DYSF: variants seen among roughly 807,000 people sequenced by gnomAD.
DYSF encodes dysferlin.
DYSF carries 212 observed loss-of-function variants against 274.9 expected under a neutral mutation model. That is an observed-to-expected ratio of 0.77 (90% confidence interval 0.69 to 0.86). DYSF has a LOEUF of 0.86. DYSF is among the 40% of genes least tolerant of loss of function. The pLI is 0.00. For missense variants in DYSF, 2,666 were observed against 2,783.2 expected (o/e 0.96, Z 0.95); for synonymous variants, 1,091 against 1,078.7 (o/e 1.01, Z -0.22).
At chr2:71,453,660 T>G in exon 1 of DYSF, 12 of 376,164 alleles carry the variant, frequency 3.2e-5, no homozygotes, top group Non-Finnish European at 4.6e-5. Flanking sequence ...TGCCGTGTCA[T>G]TGGGAGACTC....
rs2152972022 is a variant in DYSF, at chr2:71,682,609, G to A, written c.6253G>A (p.Ala2085Thr). Residue 2085 changes from alanine (A) to threonine (T), a missense_variant, in exon 55 of 56, where the codon GCC becomes ACC. Ala to Thr is a moderately conservative substitution (Grantham distance 58). Coordinates refer to ENST00000410020, the MANE Select transcript of DYSF (RefSeq NM_001130987.2). The stretch of plus-strand genomic sequence containing the variant: ...CATCCTGTGGCGGCGTTTCCGGTGG[G>A]CCATCATCCTCTTCATCATCCTCTT... ...KFILWRRFRW[A>T]IILFIILFIL... 6.2e-7 allele frequency: 1 copy of A among 1,614,044 alleles called. No homozygotes were observed. The highest frequency in any genetic ancestry group is 1.1e-5 in the South Asian group (1 of 91,072).
At chr2:71,595,616 C>T (rs1337476570) in intron 32 of DYSF, among the ~76,000 whole-genome samples, 1 of 152,208 alleles carries the variant, frequency 6.6e-6, no homozygotes, top group African/African-American at 2.4e-5. Context: ...TGGTGCAGGG[C>T]TCTGGATCCA....
intron 33 of DYSF, 93 bp from the exon 34 acceptor site, chr2:71,600,609 A>T: frequency 6.3e-7 from 1 of 1,578,044 alleles, no homozygotes; most frequent in Non-Finnish European, 8.7e-7. Flanking sequence ...GGCCCTTTCT[A>T]GTTCAGAAGG....
intron 3 of DYSF, among the ~76,000 whole-genome samples, chr2:71,498,475 C>A (rs1158731548): frequency 6.6e-6 from 1 of 152,182 alleles, no homozygotes; most frequent in Non-Finnish European, 1.5e-5. Flanking sequence ...GTAGTGCCAG[C>A]AGGAATGCAG....
chr2:71,521,461 C>T (rs111445132), intron 12 of DYSF, among the ~76,000 whole-genome samples: 95 of 152,266 alleles, frequency 6.2e-4, no homozygotes, highest in African/African-American at 2.1e-3. Context: ...CTGGGTTGGA[C>T]GCTTTGTTTG....
chr2:71,554,000 T>C, intron 21 of DYSF, 69 bp downstream of exon 21: 2 of 1,608,474 alleles, frequency 1.2e-6, no homozygotes, highest in Non-Finnish European at 1.7e-6. Flanking sequence ...GCATGGGGTG[T>C]CTCAGACCAC....
upstream of DYSF, among the ~76,000 whole-genome samples, chr2:71,465,613 C>T (rs2081484311): frequency 6.6e-6 from 1 of 152,148 alleles, no homozygotes; most frequent in Admixed American, 6.5e-5. Context: ...AGGGTTATGG[C>T]TTAGCCCTGT....
Position 71,559,508 on chromosome 2 carries a change from C to T in DYSF, c.2217-2244C>T, listed in dbSNP as rs554370720. 9.2e-5 allele frequency among the ~76,000 whole-genome samples: 14 copies of T among 152,348 alleles called. 1 individual carries two copies. In the East Asian group the frequency reaches 2.7e-3, roughly 29 times the overall value. ...TGCATCCAGGAAAAGCCCCTGCTCT[C>T]ATCCTGGTGGACAGGCCTTTCTGTC... On this transcript the variant is annotated intron_variant, in intron 22 of 55. Coordinates refer to ENST00000410020, the MANE Select transcript of DYSF (RefSeq NM_001130987.2).
At chr2:71,552,627 C>A (rs2091028633) in intron 19 of DYSF, among the ~76,000 whole-genome samples, 1 of 152,176 alleles carries the variant, frequency 6.6e-6, no homozygotes, top group Non-Finnish European at 1.5e-5. Context: ...GAGCTCTGGT[C>A]AGGCGCCTGG....
chr2:71,641,940 G>T (rs1198201009), intron 41 of DYSF, among the ~76,000 whole-genome samples: 1 of 152,142 alleles, frequency 6.6e-6, no homozygotes, highest in Non-Finnish European at 1.5e-5. Context: ...CTCCAAAGAT[G>T]CTGGAAAAGA....
chr2:71,495,066 A>G (rs984725910), intron 3 of DYSF, among the ~76,000 whole-genome samples: 2 of 152,186 alleles, frequency 1.3e-5, no homozygotes, highest in Admixed American at 1.3e-4. Flanking sequence ...ACCAAGTTCT[A>G]TCTAGGTTCC....
chr2:71,483,572 G>A (rs2083112284), intron 3 of DYSF, among the ~76,000 whole-genome samples: 1 of 152,190 alleles, frequency 6.6e-6, no homozygotes, highest in African/African-American at 2.4e-5. Flanking sequence ...GTGGGTGGTG[G>A]GGAAGAATTG....
chr2:71,570,397 G>A (rs2092349513), intron 28 of DYSF, 63 bp downstream of exon 28: 2 of 1,554,032 alleles, frequency 1.3e-6, no homozygotes, highest in African/African-American at 1.4e-5. Context: ...ATGCTGGTGG[G>A]GACGACTGAA....
chr2:71,593,893 C>T (rs374274486), intron 32 of DYSF, among the ~76,000 whole-genome samples: 12 of 152,178 alleles, frequency 7.9e-5, no homozygotes, highest in Admixed American at 2.0e-4. Flanking sequence ...TGGGCTCAGG[C>T]GGTCCAACTT....
chr2:71,685,832 G>A (rs1009309877), intron 55 of DYSF, among the ~76,000 whole-genome samples: 1 of 152,162 alleles, frequency 6.6e-6, no homozygotes, highest in African/African-American at 2.4e-5. Context: ...TGTTGTATGT[G>A]TTTTCATGGT....
chr2:71,553,781 C>T (rs201187707), intron 20 of DYSF, 26 bp from the exon 21 acceptor site: 207 of 1,575,498 alleles, frequency 1.3e-4, no homozygotes, highest in Non-Finnish European at 1.7e-4. Flanking sequence ...CCTGGCACAG[C>T]GCTCAGGCCC....
At chr2:71,534,934 G>A (rs993082121) in intron 14 of DYSF, 87 bp from the exon 15 acceptor site, 2 of 1,426,510 alleles carry the variant, frequency 1.4e-6, no homozygotes, top group Non-Finnish European at 2.0e-6. Context: ...GCATGGCAGA[G>A]AATGGTCACT....
At chr2:71,662,685 G>T (rs2094908993) in intron 45 of DYSF, among the ~76,000 whole-genome samples, 1 of 151,096 alleles carries the variant, frequency 6.6e-6, no homozygotes, top group South Asian at 2.1e-4. Context: ...GTATGTGTGT[G>T]GTGTGTGTAT....
chr2:71,618,056 G>A (rs1349248472), intron 40 of DYSF, among the ~76,000 whole-genome samples: 1 of 118,598 alleles, frequency 8.4e-6, no homozygotes, highest in Non-Finnish European at 1.8e-5. Flanking sequence ...GTGTGTGTGT[G>A]TGGTAGAGAT....
Sources: allele counts gnomAD v4.1 joint callset (sites outside exome capture counted in the v4.1 genomes callset), GRCh38; gene constraint gnomAD v4.1.1; transcripts MANE v1.5; gene names NCBI Gene and HGNC (gene_info 2026-07-23, HGNC 2026-07-21).